Variants in OSBPL10 observed in about 807,000 individuals in gnomAD.
The protein encoded by OSBPL10 is oxysterol-binding protein-related protein 10.
Under a neutral mutation model 81.7 loss-of-function variants are expected in OSBPL10, and 49 were observed. That is an observed-to-expected ratio of 0.60 (90% CI 0.48 to 0.76). OSBPL10 has a LOEUF of 0.76. OSBPL10 is among the 30% of genes least tolerant of loss of function. The probability of loss-of-function intolerance (pLI) is 0.00; values close to 1 mark genes in which losing one functional copy is unlikely to be tolerated. For synonymous variants in OSBPL10, 419 were observed against 383.6 expected, an observed-to-expected ratio of 1.09 and a Z score of -1.08; for missense variants, 923 against 987.8, an observed-to-expected ratio of 0.93 and a Z score of 0.88.
At chr3:31,662,194 ACT>A in intron 11 of OSBPL10, 78 bp from the exon 12 acceptor site, 1 of 1,605,216 alleles carries the variant, frequency 6.2e-7, no homozygotes, top group South Asian at 1.1e-5. Context: ...AACCGCAGCC[ACT>A]CTGTGTGTCT....
In OSBPL10 at chr3:31,846,499, G is replaced by A. The variant is rs538607884; in HGVS notation, c.538-16268C>T. Among the ~76,000 whole-genome samples, 9 of 152,094 alleles carry A rather than the reference G, an allele frequency of 5.9e-5. No homozygotes were observed. The East Asian group carries it at 1.8e-3, about 30-fold the overall frequency. ...AAATTAGCCGGGCCTGGTGGTGGGCGCCTATAATCCCAGCTACTTGGGAGG... is the reference window on the plus strand; with the variant it reads ...AAATTAGCCGGGCCTGGTGGTGGGCACCTATAATCCCAGCTACTTGGGAGG... On this transcript the variant is annotated intron_variant, in intron 3 of 11. Coordinates refer to ENST00000396556, the MANE Select transcript of OSBPL10 (RefSeq NM_017784.5).
intron 3 of OSBPL10, among the ~76,000 whole-genome samples, chr3:31,830,933 A>G (rs572866995): frequency 5.3e-5 from 8 of 152,210 alleles, no homozygotes; most frequent in Non-Finnish European, 8.8e-5. Context: ...TGGCATCTCA[A>G]CTTAGTGGAG....
intron 8 of OSBPL10, among the ~76,000 whole-genome samples, chr3:31,676,216 G>A (rs909074814): frequency 6.6e-6 from 1 of 151,878 alleles, no homozygotes; most frequent in Non-Finnish European, 1.5e-5. Context: ...ATCCATAAAT[G>A]TGTGTTCATT....
intron 1 of OSBPL10, among the ~76,000 whole-genome samples, chr3:31,909,391 G>A (rs1696507862): frequency 6.6e-6 from 1 of 151,978 alleles, no homozygotes; most frequent in African/African-American, 2.4e-5. Flanking sequence ...GTCTCTTAAG[G>A]CACCTGAAGA....
intron 1 of OSBPL10, among the ~76,000 whole-genome samples, chr3:31,940,210 T>C (rs1239212870): frequency 1.3e-5 from 2 of 152,286 alleles, no homozygotes; most frequent in East Asian, 3.9e-4. Context: ...GCAAACTGGG[T>C]GAACCCATAC....
chr3:32,066,065 C>T (rs940475875), intron 1 of OSBPL10, among the ~76,000 whole-genome samples: 2 of 88,336 alleles, frequency 2.3e-5, no homozygotes, highest in African/African-American at 5.8e-5. Flanking sequence ...TGCAAGGTTG[C>T]AGTGAGCAGA....
intron 7 of OSBPL10, among the ~76,000 whole-genome samples, chr3:31,692,059 G>A (rs879380326): frequency 4.6e-5 from 7 of 152,110 alleles, no homozygotes; most frequent in Non-Finnish European, 1.0e-4. Flanking sequence ...TGTCAGATGG[G>A]AAGAGTTTGA....
chr3:31,902,243 C>T (rs924770795), intron 1 of OSBPL10, among the ~76,000 whole-genome samples: 4 of 148,630 alleles, frequency 2.7e-5, no homozygotes, highest in African/African-American at 5.0e-5. Flanking sequence ...TACTAAGAGG[C>T]TGCTTCTTGT....
chr3:31,968,169 C>A (rs570425112), intron 1 of OSBPL10, among the ~76,000 whole-genome samples: 6 of 151,738 alleles, frequency 4.0e-5, no homozygotes, highest in Non-Finnish European at 1.5e-5. Flanking sequence ...TACTTCAGTG[C>A]GTAAATGTTA....
intron 1 of OSBPL10, among the ~76,000 whole-genome samples, chr3:31,966,132 T>TACA (rs1300657864): frequency 2.8e-5 from 4 of 144,788 alleles, no homozygotes; most frequent in Non-Finnish European, 3.0e-5. Flanking sequence ...CCATCTCTAC[T>TACA]ACAACAACAA....
At chr3:31,847,998 C>T (rs1406433652) in intron 3 of OSBPL10, among the ~76,000 whole-genome samples, 1 of 152,132 alleles carries the variant, frequency 6.6e-6, no homozygotes, top group Non-Finnish European at 1.5e-5. Context: ...CCCCTCCTGC[C>T]TCCGAGGCTC....
At chr3:31,850,934 C>T (rs1252775870) in intron 3 of OSBPL10, among the ~76,000 whole-genome samples, 3 of 152,136 alleles carry the variant, frequency 2.0e-5, no homozygotes, top group Non-Finnish European at 4.4e-5. Flanking sequence ...TCCTGAACTG[C>T]CTCCATTAAT....
At position 31,735,251 on chromosome 3, in the gene OSBPL10, G is replaced by A. The variant is rs948770453; in HGVS notation, c.941-1840C>T. On this transcript the variant is annotated intron_variant, in intron 5 of 11. Transcript: ENST00000396556. ...CCCAGGAGTTTTGAGTCCAGCCTGG[G>A]GAACATGGCAAAACCCTGTCTCTAC... 2.0e-5 allele frequency among the ~76,000 whole-genome samples: 3 copies of A among 152,250 alleles called. No individual in the cohort carries two copies. The South Asian group carries it at 6.2e-4, about 32-fold the overall frequency.
chr3:31,731,504 C>A (rs898226765), intron 6 of OSBPL10, among the ~76,000 whole-genome samples: 1 of 81,150 alleles, frequency 1.2e-5, no homozygotes, highest in Non-Finnish European at 2.7e-5. Context: ...TTTTTTTTTT[C>A]TTGAGATGGT....
intron 1 of OSBPL10, among the ~76,000 whole-genome samples, chr3:31,886,831 T>C (rs1695750228): frequency 6.6e-6 from 1 of 151,684 alleles, no homozygotes; most frequent in Non-Finnish European, 1.5e-5. Context: ...TCCCAGCTAC[T>C]CGGGAGGCTG....
At chr3:31,714,600 C>T (rs1278361287) in intron 6 of OSBPL10, 1 of 152,436 alleles carries the variant, frequency 6.6e-6, no homozygotes, top group African/African-American at 2.4e-5. Context: ...CCGTTCTCAT[C>T]TCAGCTCCCC....
At chr3:31,870,564 A>G (rs1229209894) in intron 3 of OSBPL10, among the ~76,000 whole-genome samples, 7 of 152,250 alleles carry the variant, frequency 4.6e-5, no homozygotes, top group African/African-American at 1.7e-4. Flanking sequence ...CACTGGGTGA[A>G]GCCAGCTGGG....
intron 11 of OSBPL10, chr3:31,662,363 T>C: frequency 7.9e-7 from 1 of 1,260,760 alleles, no homozygotes; most frequent in Non-Finnish European, 1.0e-6. Flanking sequence ...GGGAGCTTGG[T>C]TGGCTTCCAT....
At chr3:31,711,886 A>T (rs56960632) in intron 6 of OSBPL10, among the ~76,000 whole-genome samples, 5,646 of 152,318 alleles carry the variant, frequency 0.037, 358 homozygotes, top group African/African-American at 0.13. Context: ...TGTCATCAAA[A>T]ATAGAAAAAT....
Sources: gnomAD v4.1 joint callset for allele counts (sites outside exome capture counted in the v4.1 genomes callset) on GRCh38, gnomAD v4.1.1 for gene constraint, MANE v1.5 for transcripts, NCBI Gene and HGNC (gene_info 2026-07-23, HGNC 2026-07-21) for gene names.